Variants in RIC1 observed in about 807,000 individuals in gnomAD.
RIC1 encodes RIC1 partner of RAB6A GEF complex.
A neutral mutation model predicts 169.0 loss-of-function variants in RIC1; 88 were observed. That is an observed-to-expected ratio of 0.52 (90% CI 0.44 to 0.62). The LOEUF (loss-of-function observed/expected upper bound fraction) is 0.62. RIC1 is among the 20% of genes least tolerant of loss of function. The pLI is 0.00. For synonymous variants in RIC1, 790 were observed against 601.5 expected (o/e 1.31, Z -4.59); for missense variants, 1,877 against 1,725.5 (o/e 1.09, Z -1.56).
chr9:5,724,391 A>G (rs1282179409), intron 6 of RIC1, among the ~76,000 whole-genome samples: 1 of 152,144 alleles, frequency 6.6e-6, no homozygotes, highest in Non-Finnish European at 1.5e-5. Context: ...AATGCTTGTG[A>G]TTTTTGCACA....
intron 2 of RIC1, among the ~76,000 whole-genome samples, chr9:5,673,104 C>T (rs181214663): frequency 2.0e-4 from 30 of 152,088 alleles, no homozygotes; most frequent in African/African-American, 7.0e-4. Context: ...AGGTGATAAA[C>T]AAGTTTAGAC....
chr9:5,660,175 G>T lies in RIC1; in HGVS notation c.252+3485G>T, dbSNP rs114216836. 4.1e-3 allele frequency among the ~76,000 whole-genome samples: 630 copies of T among 152,264 alleles called. 2 individuals are homozygous for T. The highest frequency in any genetic ancestry group is 0.014 in the African/African-American group (601 of 41,552). On this transcript the variant is annotated intron_variant, in intron 2 of 25. Transcript: ENST00000414202. Reference sequence around the variant, plus strand: ...CCAGCTCCAACCATGTCCCTGCAAAGGATATGATCTTGTTCCTTTTTGTGG... The same window carrying T: ...CCAGCTCCAACCATGTCCCTGCAAATGATATGATCTTGTTCCTTTTTGTGG...
At chr9:5,660,217 C>G (rs10815258) in intron 2 of RIC1, among the ~76,000 whole-genome samples, 73,257 of 152,058 alleles carry the variant, frequency 0.48, 18,284 homozygotes, top group African/African-American at 0.6. Flanking sequence ...AGTATTCCAT[C>G]GTGTATATGT....
At chr9:5,697,901 A>G (rs1187535792) in intron 3 of RIC1, among the ~76,000 whole-genome samples, 12 of 152,234 alleles carry the variant, frequency 7.9e-5, no homozygotes, top group Non-Finnish European at 1.5e-5. Context: ...TTGCCAGGTA[A>G]ATATCTTGAA....
At chr9:5,740,137 G>C (rs1824985633) in intron 8 of RIC1, among the ~76,000 whole-genome samples, 1 of 152,146 alleles carries the variant, frequency 6.6e-6, no homozygotes. Context: ...GCTTCATTAT[G>C]TTCCTTGATT....
rs145236811 is a variant in RIC1 at position 5,654,872 on chromosome 9, A to T, written c.145-1711A>T. Among the ~76,000 whole-genome samples, 17 of 152,198 alleles carry T rather than the reference A, an allele frequency of 1.1e-4. No individual in the cohort carries two copies. In the East Asian group the frequency reaches 3.3e-3, roughly 29 times the overall value. ...CTGGCCTGCAAATGTGTTTATAATG[A>T]CAAATTCCACTTTTTTATTGCTGGT... On this transcript the variant is annotated intron_variant, in intron 1 of 25. Transcript: ENST00000414202.
chr9:5,746,143 C>T, intron 11 of RIC1, 60 bp downstream of exon 11: 4 of 1,352,950 alleles, frequency 3.0e-6, no homozygotes, highest in Non-Finnish European at 4.1e-6. Context: ...TCAGACCCTT[C>T]TTTATGACAT....
intron 1 of RIC1, among the ~76,000 whole-genome samples, chr9:5,647,508 G>A (rs937565516): frequency 6.6e-5 from 10 of 152,170 alleles, no homozygotes; most frequent in Non-Finnish European, 1.5e-4. Flanking sequence ...TTTCACTGTA[G>A]AAGTCTTTTG....
In RIC1 at chr9:5,769,210, A is replaced by G. The variant is rs1270886899; in HGVS notation, c.3378A>G (p.Pro1126=). The change falls in exon 22 of 26, where the codon CCA becomes CCG. Residue 1126 remains proline (P), a synonymous_variant. Coordinates refer to ENST00000414202, the MANE Select transcript of RIC1 (RefSeq NM_020829.4). ...KDFLWPLPII[P]ASSISSPFKN... ...TCCTGTGGCCACTTCCAATCATCCC[A>G]GCCTCTTCTATCAGTTCTCCTTTCA... 1 of 1,614,030 alleles carries G rather than the reference A, an allele frequency of 6.2e-7. No individual in the cohort carries two copies. Among genetic ancestry groups the G allele is most frequent in the Non-Finnish European group, 8.5e-7 (1 of 1,180,006 alleles).
rs187347050 is a variant in RIC1, at chr9:5,774,718, T to A, written c.*472T>A. ...GGATACAGCTGGACTCTTTAATCAG[T>A]CCTCCTGAATAGATTGCTACCCTGG... On this transcript the variant is annotated 3_prime_UTR_variant, in exon 26 of 26. Coordinates refer to ENST00000414202, the MANE Select transcript of RIC1 (RefSeq NM_020829.4). The A allele has an allele frequency of 1.3e-5, 2 of 153,124 alleles. No homozygotes were observed. The highest frequency in any genetic ancestry group is 2.9e-5 in the Non-Finnish European group (2 of 68,706). 9.5% of individuals were successfully genotyped at this position (153,124 alleles called of 1,614,324 possible).
chr9:5,711,569 TTATA>T (rs3068559), intron 3 of RIC1, among the ~76,000 whole-genome samples: 2 of 149,902 alleles, frequency 1.3e-5, no homozygotes, highest in East Asian at 1.9e-4. Flanking sequence ...TATCTTTATT[TTATA>T]TATATATATA....
At chr9:5,697,119 G>A (rs541108859) in intron 3 of RIC1, among the ~76,000 whole-genome samples, 83 of 152,246 alleles carry the variant, frequency 5.5e-4, no homozygotes, top group Admixed American at 1.0e-3. Context: ...AGTAAGACTC[G>A]GGAAACCCCT....
At chr9:5,657,456 A>C (rs1419743819) in intron 2 of RIC1, among the ~76,000 whole-genome samples, 2 of 152,112 alleles carry the variant, frequency 1.3e-5, no homozygotes, top group Non-Finnish European at 2.9e-5. Flanking sequence ...CATCCCATTT[A>C]ATCTTTAGAT....
rs1050900836 is a variant in RIC1, at chr9:5,775,489, GTTA to G, written c.*1246_*1248del. ...GTGCAATTTGAACAAGGAATGCAATGTTATTTTTTACAAAAAACAAACTTGTTT... is the reference window on the plus strand; with the variant it reads ...GTGCAATTTGAACAAGGAATGCAATGTTTTTTACAAAAAACAAACTTGTTT... On this transcript the variant is annotated 3_prime_UTR_variant, in exon 26 of 26. Transcript: ENST00000414202. 1 of 152,110 alleles carries G rather than the reference GTTA, an allele frequency of 6.6e-6. No individual in the cohort carries two copies. Among genetic ancestry groups the G allele is most frequent in the Non-Finnish European group, 1.5e-5 (1 of 68,006 alleles). The allele number at this position is 152,110 out of a possible 1,614,324, so 9.4% of individuals were successfully genotyped here.
intron 2 of RIC1, among the ~76,000 whole-genome samples, chr9:5,662,468 T>G (rs1415647575): frequency 3.0e-5 from 2 of 67,412 alleles, no homozygotes. Flanking sequence ...CCTGGGCTGG[T>G]TTTTTTTTTT....
intron 6 of RIC1, among the ~76,000 whole-genome samples, chr9:5,725,474 G>T (rs1318451748): frequency 1.3e-5 from 2 of 152,016 alleles, no homozygotes; most frequent in African/African-American, 4.8e-5. Flanking sequence ...CTTGCTAGTG[G>T]TCTATCAATT....
chr9:5,722,805 G>C (rs1399133654), intron 6 of RIC1, among the ~76,000 whole-genome samples: 1 of 152,124 alleles, frequency 6.6e-6, no homozygotes. Flanking sequence ...AGAACATACG[G>C]TGTTTGGTTT....
At position 5,738,447 on chromosome 9, in the gene RIC1, C is replaced by T; in HGVS notation, c.813-3C>T. ...TAAAAGTTTTTCGTTGTTGTTTTCA[C>T]AGTGGTTCTGTGCAGGTCTATACAA... is the stretch of plus-strand genomic sequence containing the variant. On this transcript the variant is annotated splice_region_variant and splice_polypyrimidine_tract_variant and intron_variant, in intron 7 of 25. Transcript: ENST00000414202. 2.5e-6 allele frequency: 4 copies of T among 1,583,882 alleles called. No homozygotes were observed. Among genetic ancestry groups the T allele is most frequent in the Non-Finnish European group, 2.6e-6 (3 of 1,167,040 alleles).
chr9:5,773,587 C>T (rs1007217426), intron 25 of RIC1, among the ~76,000 whole-genome samples: 2 of 152,214 alleles, frequency 1.3e-5, no homozygotes, highest in African/African-American at 2.4e-5. Context: ...ACTTCCCTTA[C>T]TTGGATCTGG....
Sources: gnomAD v4.1 joint callset for allele counts (sites outside exome capture counted in the v4.1 genomes callset) on GRCh38, gnomAD v4.1.1 for gene constraint, MANE v1.5 for transcripts, NCBI Gene and HGNC (gene_info 2026-07-23, HGNC 2026-07-21) for gene names.